HNRNPC: variants seen among roughly 807,000 people sequenced by gnomAD.
HNRNPC encodes heterogeneous nuclear ribonucleoprotein C, also known as heterogeneous nuclear ribonucleoproteins C1/C2.
HNRNPC carries 3 observed loss-of-function variants against 33.2 expected under a neutral mutation model. The ratio of observed to expected loss-of-function variants is 0.09; its 90% confidence interval spans 0.04 to 0.23. The LOEUF (loss-of-function observed/expected upper bound fraction) is 0.23, where lower values mean the gene tolerates loss of function less well. Among genes scored for constraint, HNRNPC ranks in the 10% least tolerant of loss-of-function variants. The pLI is 1.00. For missense variants in HNRNPC, 143 were observed against 366.7 expected (o/e 0.39, Z 4.98); for synonymous variants, 121 against 126.7 (o/e 0.96, Z 0.30).
intron 2 of HNRNPC, among the ~76,000 whole-genome samples, chr14:21,249,851 CTG>C (rs1251474320): frequency 2.6e-5 from 4 of 152,106 alleles, no homozygotes; most frequent in African/African-American, 9.7e-5. Flanking sequence ...GTTCCAGAAT[CTG>C]TAAGTATCCA....
At chr14:21,251,149 T>C (rs1594303628) in intron 2 of HNRNPC, among the ~76,000 whole-genome samples, 1 of 148,712 alleles carries the variant, frequency 6.7e-6, no homozygotes, top group East Asian at 2.0e-4. Flanking sequence ...TAGTCCTGGC[T>C]ACTCGGGAGG....
At chr14:21,264,709 T>C (rs1878696691) in intron 1 of HNRNPC, 1 of 152,224 alleles carries the variant, frequency 6.6e-6, no homozygotes. Context: ...TGAGGTCTTA[T>C]TCTCCTTTGT....
chr14:21,218,231 T>C (rs1463380694), intron 5 of HNRNPC, among the ~76,000 whole-genome samples: 1 of 152,194 alleles, frequency 6.6e-6, no homozygotes, highest in African/African-American at 2.4e-5. Flanking sequence ...CCCAAAGTGC[T>C]GCAATTACAG....
At chr14:21,264,297 G>A (rs968460260) in intron 1 of HNRNPC, 1 of 152,228 alleles carries the variant, frequency 6.6e-6, no homozygotes, top group Non-Finnish European at 1.5e-5. Context: ...TACTAGAGAT[G>A]ACTCATCTAT....
At chr14:21,248,866 T>C (rs137972190) in intron 2 of HNRNPC, among the ~76,000 whole-genome samples, 2 of 152,146 alleles carry the variant, frequency 1.3e-5, no homozygotes, top group Non-Finnish European at 2.9e-5. Context: ...TGAGAATTCA[T>C]CTGAAAGAAA....
intron 5 of HNRNPC, among the ~76,000 whole-genome samples, chr14:21,217,658 C>T (rs1022772357): frequency 6.6e-6 from 1 of 152,054 alleles, no homozygotes; most frequent in African/African-American, 2.4e-5. Context: ...TGGCATCAAT[C>T]AATAATTGGT....
chr14:21,248,417 T>G (rs2138879781), intron 2 of HNRNPC, among the ~76,000 whole-genome samples: 1 of 152,302 alleles, frequency 6.6e-6, no homozygotes. Flanking sequence ...TCTTTGAAAA[T>G]CAGCTTCCTT....
chr14:21,268,341 AG>A (rs1879359825), intron 1 of HNRNPC, among the ~76,000 whole-genome samples: 1 of 152,226 alleles, frequency 6.6e-6, no homozygotes, highest in Admixed American at 6.5e-5. Context: ...TCTTACACTT[AG>A]GAAGTTACGT....
At chr14:21,244,946 G>A (rs867135040) in intron 2 of HNRNPC, among the ~76,000 whole-genome samples, 3 of 151,992 alleles carry the variant, frequency 2.0e-5, no homozygotes, top group South Asian at 2.1e-4. Flanking sequence ...TTAGCCAGGC[G>A]TGGTGGCATG....
chr14:21,223,590 A>C (rs2139564567), intron 5 of HNRNPC, among the ~76,000 whole-genome samples: 1 of 152,020 alleles, frequency 6.6e-6, no homozygotes, highest in South Asian at 2.1e-4. Context: ...CTCTACTAAA[A>C]ACACAAAAAT....
intron 5 of HNRNPC, among the ~76,000 whole-genome samples, chr14:21,227,222 C>T (rs1406160153): frequency 6.6e-6 from 1 of 151,580 alleles, no homozygotes; most frequent in Non-Finnish European, 1.5e-5. Flanking sequence ...ACTCCTCCTC[C>T]TTTCACCTTC....
intron 2 of HNRNPC, among the ~76,000 whole-genome samples, chr14:21,261,954 A>G (rs554909794): frequency 2.4e-4 from 36 of 152,324 alleles, no homozygotes; most frequent in African/African-American, 8.4e-4. Context: ...TAGAGTTCCT[A>G]ATCTAGCATT....
At chr14:21,242,345 G>A (rs1398673403) in intron 2 of HNRNPC, among the ~76,000 whole-genome samples, 1 of 152,236 alleles carries the variant, frequency 6.6e-6, no homozygotes, top group Non-Finnish European at 1.5e-5. Flanking sequence ...TTAGCTGGGC[G>A]TGATGTCAAG....
chr14:21,210,188 C>T lies in HNRNPC; in HGVS notation c.*1035G>A, dbSNP rs1891464055. 6.6e-6 allele frequency: 1 copy of T among 152,130 alleles called. No individual in the cohort carries two copies. Among genetic ancestry groups the T allele is most frequent in the Non-Finnish European group, 1.5e-5 (1 of 68,012 alleles). 9.4% of individuals were successfully genotyped at this position (152,130 alleles called of 1,614,324 possible). A position where few individuals can be genotyped will look rare whatever the true frequency, so the allele number is the denominator to read the frequency against. ...GCAGCTGTCGCCATTTTCCTGAAAT[C>T]TTGATGTTTTTGAGCCTCTCCTATT... On this transcript the variant is annotated 3_prime_UTR_variant, in exon 9 of 9. Transcript: ENST00000553300.
chr14:21,240,896 A>G (rs931175300), intron 2 of HNRNPC, among the ~76,000 whole-genome samples: 4 of 152,196 alleles, frequency 2.6e-5, no homozygotes, highest in African/African-American at 9.7e-5. Flanking sequence ...ATCTCACACT[A>G]GAGACAAAGG....
chr14:21,247,892 C>T (rs1302729092), intron 2 of HNRNPC, among the ~76,000 whole-genome samples: 1 of 151,108 alleles, frequency 6.6e-6, no homozygotes, highest in Admixed American at 6.6e-5. Flanking sequence ...GAGGCCGAGG[C>T]ATGAGAAAGA....
At chr14:21,247,757 T>C (rs1361825597) in intron 2 of HNRNPC, among the ~76,000 whole-genome samples, 1 of 151,266 alleles carries the variant, frequency 6.6e-6, no homozygotes, top group Non-Finnish European at 1.5e-5. Flanking sequence ...CAAGACCAGC[T>C]TGACTAACAT....
At chr14:21,225,619 A>G (rs1893336838) in intron 5 of HNRNPC, among the ~76,000 whole-genome samples, 1 of 152,080 alleles carries the variant, frequency 6.6e-6, no homozygotes. Context: ...GGTTTCATCT[A>G]TGTCTCTAAC....
chr14:21,214,402 C>A (rs1891933145), intron 5 of HNRNPC, among the ~76,000 whole-genome samples: 1 of 152,130 alleles, frequency 6.6e-6, no homozygotes, highest in Admixed American at 6.6e-5. Context: ...AAAAGTGTTT[C>A]CACACTATTT....
Sources: allele counts gnomAD v4.1 joint callset (sites outside exome capture counted in the v4.1 genomes callset), GRCh38; gene constraint gnomAD v4.1.1; transcripts MANE v1.5; gene names NCBI Gene and HGNC (gene_info 2026-07-23, HGNC 2026-07-21).